Variants in FNBP1L observed in about 807,000 individuals in gnomAD.
FNBP1L encodes formin binding protein 1 like.
In FNBP1L, 36 loss-of-function variants were observed where a neutral mutation model predicts 91.2. The ratio of observed to expected loss-of-function variants is 0.39; its 90% confidence interval spans 0.30 to 0.52. The LOEUF (loss-of-function observed/expected upper bound fraction) is 0.52. Among genes scored for constraint, FNBP1L ranks in the 20% least tolerant of loss-of-function variants. The pLI, the probability that FNBP1L is intolerant of heterozygous loss-of-function variation, is 0.66. For missense variants in FNBP1L, 571 were observed against 732.1 expected (o/e 0.78, Z 2.54); for synonymous variants, 242 against 237.0 (o/e 1.02, Z -0.19).
intron 15 of FNBP1L, among the ~76,000 whole-genome samples, chr1:93,549,875 C>T (rs187982236): frequency 4.9e-4 from 75 of 152,236 alleles, no homozygotes; most frequent in African/African-American, 1.8e-3. Context: ...ATACTGAGTC[C>T]GTAGGCCACC....
Position 93,554,163 on chromosome 1 carries a change from CATT to C in FNBP1L, c.*1751_*1753del, listed in dbSNP as rs1672502559. 6.6e-6 allele frequency: 1 copy of C among 152,580 alleles called. No homozygotes were observed. The highest frequency in any genetic ancestry group is 1.9e-4 in the East Asian group (1 of 5,198). The allele number at this position is 152,580 out of a possible 1,614,324, so 9.5% of individuals were successfully genotyped here. A position where few individuals can be genotyped will look rare whatever the true frequency, so the allele number is the denominator to read the frequency against. On this transcript the variant is annotated 3_prime_UTR_variant, in exon 17 of 17. Transcript: ENST00000271234. ...TTACAGGGTTATTTATATAATGTGA[CATT>C]ATTCAGTACTGACAGACTACATGAA...
intron 1 of FNBP1L, among the ~76,000 whole-genome samples, chr1:93,461,614 T>C (rs1211640671): frequency 6.6e-6 from 1 of 152,136 alleles, no homozygotes; most frequent in Non-Finnish European, 1.5e-5. Context: ...CAAAAGCTTT[T>C]CTAGAAACCC....
At chr1:93,483,643 T>C (rs1196229398) in intron 1 of FNBP1L, among the ~76,000 whole-genome samples, 1 of 152,176 alleles carries the variant, frequency 6.6e-6, no homozygotes, top group African/African-American at 2.4e-5. Context: ...TTCCAAAATA[T>C]AATAGACCAT....
At chr1:93,479,197 GT>G (rs2101705883) in intron 1 of FNBP1L, among the ~76,000 whole-genome samples, 2 of 152,240 alleles carry the variant, frequency 1.3e-5, no homozygotes, top group East Asian at 3.9e-4. Flanking sequence ...AAACCAGCAG[GT>G]TTTTATTAAG....
chr1:93,455,007 C>G (rs1424038337), intron 1 of FNBP1L, among the ~76,000 whole-genome samples: 1 of 152,164 alleles, frequency 6.6e-6, no homozygotes, highest in African/African-American at 2.4e-5. Flanking sequence ...TGGCTCACTG[C>G]AAGCTCTGCC....
rs187322588 is a variant in FNBP1L, at chr1:93,458,789, T to A, written c.24+10484T>A. 4.6e-5 allele frequency among the ~76,000 whole-genome samples: 7 copies of A among 152,376 alleles called. No individual in the cohort carries two copies. The East Asian group carries it at 1.3e-3, about 29-fold the overall frequency. On this transcript the variant is annotated intron_variant, in intron 1 of 16. Coordinates refer to ENST00000271234, the MANE Select transcript of FNBP1L (RefSeq NM_001164473.3). ...AATGGAAATTTTCAGAAATAAACATTCACATAACTTTTATTACTATTTATT... is the reference window on the plus strand; with the variant it reads ...AATGGAAATTTTCAGAAATAAACATACACATAACTTTTATTACTATTTATT...
chr1:93,455,796 A>G (rs759702106), intron 1 of FNBP1L, among the ~76,000 whole-genome samples: 2 of 152,282 alleles, frequency 1.3e-5, no homozygotes, highest in Non-Finnish European at 1.5e-5. Context: ...TTTAAAAATA[A>G]TAAAAGTAAT....
At chr1:93,454,783 G>A (rs1668602387) in intron 1 of FNBP1L, among the ~76,000 whole-genome samples, 1 of 151,916 alleles carries the variant, frequency 6.6e-6, no homozygotes, top group Non-Finnish European at 1.5e-5. Context: ...AAACAATACA[G>A]CATAACAACT....
At chr1:93,496,774 T>G (rs1213305278) in intron 1 of FNBP1L, among the ~76,000 whole-genome samples, 1 of 152,082 alleles carries the variant, frequency 6.6e-6, no homozygotes, top group Admixed American at 6.5e-5. Context: ...CGAATGAGTC[T>G]CCCATCTGGG....
intron 12 of FNBP1L, among the ~76,000 whole-genome samples, chr1:93,545,129 T>G (rs887387168): frequency 6.6e-6 from 1 of 152,132 alleles, no homozygotes; most frequent in Non-Finnish European, 1.5e-5. Context: ...TGAACAAAGC[T>G]TATCTAAGAT....
chr1:93,552,480 G>T lies in FNBP1L; in HGVS notation c.*64G>T. On this transcript the variant is annotated 3_prime_UTR_variant, in exon 17 of 17. Coordinates refer to ENST00000271234, the MANE Select transcript of FNBP1L (RefSeq NM_001164473.3). ...GTTACATGCAGCTGCTTTTGGGGGA[G>T]GGTATTAGAGTTGTCAGGCTCAAAG... 1 of 1,589,604 alleles carries T rather than the reference G, an allele frequency of 6.3e-7. No homozygotes were observed. Among genetic ancestry groups the T allele is most frequent in the Non-Finnish European group, 8.6e-7 (1 of 1,163,616 alleles).
rs149780432 is a variant in FNBP1L at position 93,458,805 on chromosome 1, A to G, written c.24+10500A>G. Among the ~76,000 whole-genome samples the G allele has an allele frequency of 2.1e-3, 321 of 152,350 alleles. 2 individuals carry two copies. The highest frequency in any genetic ancestry group is 7.2e-3 in the African/African-American group (301 of 41,578). On this transcript the variant is annotated intron_variant, in intron 1 of 16. Coordinates refer to ENST00000271234, the MANE Select transcript of FNBP1L (RefSeq NM_001164473.3). ...AATAAACATTCACATAACTTTTATT[A>G]CTATTTATTGTTCTAATTGTTCTCT...
chr1:93,547,328 G>T lies in FNBP1L; in HGVS notation c.1408-19G>T. The T allele has an allele frequency of 6.5e-7, 1 of 1,537,184 alleles. No homozygotes were observed. Among genetic ancestry groups the T allele is most frequent in the Non-Finnish European group, 8.8e-7 (1 of 1,133,964 alleles). On this transcript the variant is annotated intron_variant, in intron 13 of 16. Transcript: ENST00000271234. ...ACATATTTATTGAGCTCAGTTGTTT[G>T]CTTATTTTTTTTCCTAAGGCTTGGC...
At chr1:93,468,740 A>G (rs143501838) in intron 1 of FNBP1L, among the ~76,000 whole-genome samples, 2 of 152,210 alleles carry the variant, frequency 1.3e-5, no homozygotes, top group South Asian at 2.1e-4. Context: ...CCGATGGACA[A>G]GTTTTTGTGT....
At chr1:93,448,964 C>T (rs1668381353) in intron 1 of FNBP1L, among the ~76,000 whole-genome samples, 1 of 152,240 alleles carries the variant, frequency 6.6e-6, no homozygotes, top group South Asian at 2.1e-4. Flanking sequence ...TTTGGCCACC[C>T]CCGGCTGCAG....
chr1:93,505,998 G>A (rs535541968), intron 2 of FNBP1L, among the ~76,000 whole-genome samples: 51 of 152,262 alleles, frequency 3.3e-4, no homozygotes, highest in Non-Finnish European at 4.1e-4. Flanking sequence ...TTTTGCAATG[G>A]ATACCTTTTA....
chr1:93,456,793 C>G (rs989511726), intron 1 of FNBP1L, among the ~76,000 whole-genome samples: 5 of 151,184 alleles, frequency 3.3e-5, no homozygotes, highest in South Asian at 2.1e-4. Context: ...AAAAAAAAAT[C>G]GTTGCTTTTG....
chr1:93,546,555 G>A (rs1054832817), intron 12 of FNBP1L, among the ~76,000 whole-genome samples: 2 of 152,056 alleles, frequency 1.3e-5, no homozygotes, highest in Non-Finnish European at 2.9e-5. Context: ...TTGATTTTGT[G>A]TGTGTGTGTA....
At chr1:93,514,400 A>C (rs1413744714) in intron 2 of FNBP1L, among the ~76,000 whole-genome samples, 4 of 119,958 alleles carry the variant, frequency 3.3e-5, no homozygotes, top group Non-Finnish European at 8.1e-5. Context: ...CTTTCTTCAC[A>C]GAATTGGAAA....
Sources: allele counts gnomAD v4.1 joint callset (sites outside exome capture counted in the v4.1 genomes callset), GRCh38; gene constraint gnomAD v4.1.1; transcripts MANE v1.5; gene names NCBI Gene and HGNC (gene_info 2026-07-23, HGNC 2026-07-21).